Variants in MROH2B observed in about 807,000 individuals in gnomAD.
MROH2B encodes the protein maestro heat-like repeat-containing protein family member 2B.
MROH2B carries 177 observed loss-of-function variants against 208.6 expected under a neutral mutation model. The observed-to-expected ratio is 0.85, with a 90% CI of 0.75 to 0.96. The LOEUF (loss-of-function observed/expected upper bound fraction) is 0.96. Among genes scored for constraint, MROH2B ranks in the 40% least tolerant of loss-of-function variants. MROH2B has a pLI of 0.00. For missense variants in MROH2B, 2,002 were observed against 1,878.7 expected (o/e 1.07, Z -1.21); for synonymous variants, 728 against 659.0 (o/e 1.10, Z -1.60).
chr5:41,055,683 G>A lies in MROH2B; in HGVS notation c.1033+59C>T, dbSNP rs1579954002. 14 of 1,271,200 alleles carry A rather than the reference G, an allele frequency of 1.1e-5. No homozygotes were observed. In the East Asian group the frequency reaches 2.8e-4, roughly 25 times the overall value. 78.7% of individuals were successfully genotyped at this position (1,271,200 alleles called of 1,614,324 possible). ...ATAGGATAGGATTAGAGAGTGCATA[G>A]GCTTCAGTCTGCTTCTTGGCATGAA... On this transcript the variant is annotated intron_variant, in intron 10 of 41. Coordinates refer to ENST00000399564, the MANE Select transcript of MROH2B (RefSeq NM_173489.5).
chr5:41,018,559 A>T (rs1199768711), intron 26 of MROH2B, 129 bp from the exon 27 acceptor site: 7 of 1,410,732 alleles, frequency 5.0e-6, no homozygotes, highest in Non-Finnish European at 6.8e-6. Context: ...TTTTAAGTAG[A>T]TGGCTGTATG....
chr5:41,053,764 GT>G (rs750706444), intron 11 of MROH2B, among the ~76,000 whole-genome samples: 7 of 152,058 alleles, frequency 4.6e-5, no homozygotes, highest in African/African-American at 1.4e-4. Context: ...ACTAGGCCAG[GT>G]TTTTTTGTAT....
chr5:41,021,311 T>A (rs545663271), intron 24 of MROH2B, among the ~76,000 whole-genome samples: 1 of 152,302 alleles, frequency 6.6e-6, no homozygotes, highest in Admixed American at 6.5e-5. Context: ...TGGAATGACA[T>A]CCTTTGTTCA....
At chr5:41,025,943 T>A (rs1742343437) in intron 24 of MROH2B, among the ~76,000 whole-genome samples, 1 of 152,196 alleles carries the variant, frequency 6.6e-6, no homozygotes, top group African/African-American at 2.4e-5. Context: ...AACCCCATGA[T>A]TATCTCAATA....
chr5:41,023,137 C>T (rs1579921251), intron 24 of MROH2B, among the ~76,000 whole-genome samples: 1 of 152,194 alleles, frequency 6.6e-6, no homozygotes, highest in Non-Finnish European at 1.5e-5. Flanking sequence ...TCAGAGCGCT[C>T]TCCCCCTCCA....
intron 29 of MROH2B, among the ~76,000 whole-genome samples, chr5:41,013,970 T>C (rs557886089): frequency 6.6e-6 from 1 of 152,312 alleles, no homozygotes; most frequent in South Asian, 2.1e-4. Context: ...CTTAACAGTC[T>C]ATATTCAAGT....
chr5:41,054,072 C>T (rs756087379), intron 11 of MROH2B, among the ~76,000 whole-genome samples: 8 of 151,946 alleles, frequency 5.3e-5, no homozygotes, highest in Non-Finnish European at 8.8e-5. Context: ...CTCCACCTCC[C>T]GGGCTCAAGT....
At chr5:41,050,254 A>G (rs1369469954) in intron 13 of MROH2B, among the ~76,000 whole-genome samples, 1 of 152,212 alleles carries the variant, frequency 6.6e-6, no homozygotes, top group Non-Finnish European at 1.5e-5. Context: ...ACCATAAGGT[A>G]AAAGTTTGGC....
chr5:41,064,379 T>C, intron 5 of MROH2B, 93 bp downstream of exon 5: 2 of 1,002,218 alleles, frequency 2.0e-6, no homozygotes, highest in Admixed American at 2.1e-5. Flanking sequence ...AAGGACAAGA[T>C]TGGAGTTAAA....
At position 41,061,646 on chromosome 5, in the gene MROH2B, T is replaced by C. The variant is rs575370965; in HGVS notation, c.539A>G (p.Asn180Ser). 74 of 1,613,932 alleles carry C rather than the reference T, an allele frequency of 4.6e-5. No homozygotes were observed. In the South Asian group the frequency reaches 6.9e-4, roughly 15 times the overall value. ...CATGAAGATCTTGTCAGACAGTCGG[T>C]TGGCATCCAGTCTGGGGTAGGGAAA... ...RDFPYPRLDA[N>S]RLSDKIFMLF... is the part of the protein sequence containing the mutation. The change falls in exon 6 of 42, where the codon AAC (asparagine) becomes AGC (serine). Residue 180 changes from asparagine to serine, a missense_variant. Physicochemically the swap from Asn to Ser is conservative, Grantham distance 46. Transcript: ENST00000399564.
intron 21 of MROH2B, among the ~76,000 whole-genome samples, chr5:41,034,460 T>A (rs1262115449): frequency 6.6e-6 from 1 of 152,076 alleles, no homozygotes; most frequent in African/African-American, 2.4e-5. Context: ...ACACACCCCA[T>A]GAATCTACCA....
At chr5:41,040,279 T>C (rs1742902061) in intron 19 of MROH2B, among the ~76,000 whole-genome samples, 1 of 152,192 alleles carries the variant, frequency 6.6e-6, no homozygotes, top group South Asian at 2.1e-4. Context: ...AGGTTATATA[T>C]TCCCTCTGTC....
chr5:41,018,366 G>A lies in MROH2B; in HGVS notation c.2738C>T (p.Ala913Val), dbSNP rs369144504. 9.9e-6 allele frequency: 16 copies of A among 1,613,108 alleles called. No individual in the cohort carries two copies. The highest frequency in any genetic ancestry group is 3.3e-4 in the Middle Eastern group (2 of 6,060). ...CTCAATATCATTTGTCAGCACTTTC[G>A]CAGTGATCTGGAAGGCTCTTTCTCT... The part of the protein sequence containing the change: ...WERERAFQIT[A>V]KVLTNDIEAP... Residue 913 changes from alanine to valine, a missense_variant, in exon 27 of 42, where the codon GCG becomes GTG. Physicochemically the swap from Ala to Val is moderately conservative, Grantham distance 64 (BLOSUM62 0). Coordinates refer to ENST00000399564, the MANE Select transcript of MROH2B (RefSeq NM_173489.5).
chr5:41,008,043 A>G (rs1741651358), intron 33 of MROH2B, among the ~76,000 whole-genome samples: 1 of 152,244 alleles, frequency 6.6e-6, no homozygotes, highest in South Asian at 2.1e-4. Context: ...ATGAAAAGTT[A>G]TGCAAAATGC....
intron 6 of MROH2B, among the ~76,000 whole-genome samples, chr5:41,060,738 T>A (rs888027901): frequency 6.6e-6 from 1 of 152,242 alleles, no homozygotes; most frequent in African/African-American, 2.4e-5. Context: ...AGGAGAGTAG[T>A]CGTTAAACAG....
rs116635970 is a variant in MROH2B, at chr5:41,038,230, G to A, written c.2214+506C>T. The stretch of plus-strand genomic sequence containing the variant: ...ATATAAAAAGTTAAAGAACTACCAT[G>A]GGCTAACACTTCTGATACTATTACA... On this transcript the variant is annotated intron_variant, in intron 21 of 41. Transcript: ENST00000399564. Among the ~76,000 whole-genome samples, 848 of 152,254 alleles carry A rather than the reference G, an allele frequency of 5.6e-3. 9 individuals carry two copies. The highest frequency in any genetic ancestry group is 0.018 in the African/African-American group (766 of 41,544).
chr5:41,033,082 AC>A lies in MROH2B; in HGVS notation c.2319del (p.Phe774SerfsTer9), dbSNP rs1742629487. The A allele has an allele frequency of 2.5e-6, 4 of 1,613,010 alleles. No individual in the cohort carries two copies. In the East Asian group the frequency reaches 8.9e-5, roughly 36 times the overall value. ...GIAVQDAEDQGFQFSYKEMLI... is the reference protein window; with the variant it reads ...GIAVQDAEDQXFQFSYKEMLI... The stretch of plus-strand genomic sequence containing the variant: ...AGCATCTCCTTGTAGGAAAACTGGA[AC>A]CCCTGATCCTCAGCATCTTGGACAG... On this transcript the variant is annotated frameshift_variant, in exon 23 of 42. Coordinates refer to ENST00000399564, the MANE Select transcript of MROH2B (RefSeq NM_173489.5). LOFTEE classifies it high-confidence loss of function.
rs61745464 is a variant in MROH2B, at chr5:40,998,658, C to T, written c.4605G>A (p.Leu1535=). Residue 1535 remains leucine (L), a synonymous_variant, in exon 41 of 42, where the codon TTG becomes TTA. Coordinates refer to ENST00000399564, the MANE Select transcript of MROH2B (RefSeq NM_173489.5). ...CTAGTAACTCCACATATTGGCTGGT[C>T]AAATTGAGAACAACGGCATCTAAAG... is the stretch of plus-strand genomic sequence containing the variant. ...VKLTDAVVLN[L]TSQYVELLDR... The T allele has an allele frequency of 0.042, 66,295 of 1,584,200 alleles. 2,341 individuals are homozygous for T. The highest frequency in any genetic ancestry group is 0.18 in the African/African-American group (13,047 of 74,464).
chr5:41,020,323 C>T (rs1742102837), intron 24 of MROH2B, among the ~76,000 whole-genome samples: 1 of 152,132 alleles, frequency 6.6e-6, no homozygotes, highest in Admixed American at 6.5e-5. Flanking sequence ...TGTATTTCTA[C>T]TTGACAACAC....
Sources: allele counts gnomAD v4.1 joint callset (sites outside exome capture counted in the v4.1 genomes callset), GRCh38; gene constraint gnomAD v4.1.1; transcripts MANE v1.5; gene names NCBI Gene and HGNC (gene_info 2026-07-23, HGNC 2026-07-21).